TNP2: variants seen among roughly 807,000 people sequenced by gnomAD.
TNP2 encodes the protein transition protein 2.
A neutral mutation model predicts 8.5 loss-of-function variants in TNP2; 10 were observed. That is an observed-to-expected ratio of 1.17 (90% CI 0.72 to 1.99). The LOEUF (loss-of-function observed/expected upper bound fraction) is 1.99, where lower values mean the gene tolerates loss of function less well. TNP2 is among the 30% of genes most tolerant of loss of function. The pLI is 0.00. For missense variants in TNP2, 222 were observed against 181.2 expected (o/e 1.23, Z -1.29); for synonymous variants, 80 against 62.3 (o/e 1.28, Z -1.34).
chr16:11,268,669 A>G (rs1055440329), intron 1 of TNP2, 194 bp downstream of exon 1: 10 of 563,992 alleles, frequency 1.8e-5, no homozygotes, highest in Admixed American at 3.7e-5. Context: ...TAATCAACCC[A>G]TCCAATTTCA....
rs867745535 is a variant in TNP2 at position 11,269,004 on chromosome 16, T to C, written c.259A>G (p.Asn87Asp). 1.2e-5 allele frequency: 19 copies of C among 1,613,754 alleles called. No individual in the cohort carries two copies. In the African/African-American group the frequency reaches 1.6e-4, roughly 14 times the overall value. The change falls in exon 1 of 2, where the codon AAC becomes GAC. Residue 87 changes from asparagine (N) to aspartate (D), a missense_variant. Physicochemically the swap from Asn to Asp is conservative, Grantham distance 23 (BLOSUM62 1). Transcript: ENST00000312693. Reference protein sequence around the residue: ...PPPKRHKKTMNSHHSPMRPTI... With the variant: ...PPPKRHKKTMDSHHSPMRPTI... Reference sequence around the variant, plus strand: ...GGCCGCATGGGAGAGTGGTGGGAGTTCATAGTCTTTTTGTGGCGCTTTGGT... The same window carrying C: ...GGCCGCATGGGAGAGTGGTGGGAGTCCATAGTCTTTTTGTGGCGCTTTGGT...
chr16:11,267,927 A>G lies in TNP2; in HGVS notation c.*69T>C, dbSNP rs2141135637. 3 of 1,532,748 alleles carry G rather than the reference A, an allele frequency of 2.0e-6. No homozygotes were observed. The highest frequency in any genetic ancestry group is 4.5e-5 in the East Asian group (2 of 44,112). The allele number at this position is 1,532,748 out of a possible 1,614,324, so 94.9% of individuals were successfully genotyped here. Reference sequence around the variant, plus strand: ...CATAGTAACATGTTCCTGCAAGAAGATTGACTTCATCCTAGCATTTTCTCC... The same window carrying G: ...CATAGTAACATGTTCCTGCAAGAAGGTTGACTTCATCCTAGCATTTTCTCC... On this transcript the variant is annotated 3_prime_UTR_variant, in exon 2 of 2. Transcript: ENST00000312693.
Position 11,267,989 on chromosome 16 carries a change from G to C in TNP2, c.*7C>G, listed in dbSNP as rs767530021. The C allele has an allele frequency of 6.2e-7, 1 of 1,611,892 alleles. No individual in the cohort carries two copies. Among genetic ancestry groups the C allele is most frequent in the Non-Finnish European group, 8.5e-7 (1 of 1,179,114 alleles). Reference sequence around the variant, plus strand: ...CACGCAGGAACAAGCCAAGGAGTGCGGTCTCATTAGTTGGATTTCCATCCT... The same window carrying C: ...CACGCAGGAACAAGCCAAGGAGTGCCGTCTCATTAGTTGGATTTCCATCCT... On this transcript the variant is annotated 3_prime_UTR_variant, in exon 2 of 2. Coordinates refer to ENST00000312693, the MANE Select transcript of TNP2 (RefSeq NM_005425.5).
chr16:11,268,544 A>G, intron 1 of TNP2: 7 of 414,504 alleles, frequency 1.7e-5, no homozygotes, highest in Middle Eastern at 1.3e-3. Context: ...CATTCTTCCA[A>G]CTATCCTTTC....
rs769551882 is a variant in TNP2 at position 11,267,861 on chromosome 16, C to G, written c.*135G>C. The G allele has an allele frequency of 2.0e-6, 2 of 997,104 alleles. No individual in the cohort carries two copies. Among genetic ancestry groups the G allele is most frequent in the Non-Finnish European group, 3.0e-6 (2 of 670,790 alleles). 61.8% of individuals were successfully genotyped at this position (997,104 alleles called of 1,614,324 possible). On this transcript the variant is annotated 3_prime_UTR_variant, in exon 2 of 2. Coordinates refer to ENST00000312693, the MANE Select transcript of TNP2 (RefSeq NM_005425.5). ...ATGACTATGACTACTCAGGGATAGT[C>G]TTCCAGGTACAAGCTTTAATTAGTG...
At position 11,267,978 on chromosome 16, in the gene TNP2, C is replaced by T. The variant is rs755548195; in HGVS notation, c.*18G>A. 4.3e-6 allele frequency: 7 copies of T among 1,611,162 alleles called. No individual in the cohort carries two copies. In the African/African-American group the frequency reaches 9.3e-5, roughly 22 times the overall value. On this transcript the variant is annotated 3_prime_UTR_variant, in exon 2 of 2. Coordinates refer to ENST00000312693, the MANE Select transcript of TNP2 (RefSeq NM_005425.5). ...TTTGGGTGAAACACGCAGGAACAAG[C>T]CAAGGAGTGCGGTCTCATTAGTTGG...
Position 11,268,868 on chromosome 16 carries a change from C to A in TNP2, c.395G>T (p.Ser132Ile). ...IQQVYKTKTR[S>I]SGWKSN ...CCCACCTCCTTAAAGGGTACCTGAG[C>A]TCCGCGTCTTGGTTTTGTACACCTG... Residue 132 changes from serine (S) to isoleucine (I), a missense_variant, in exon 1 of 2, where the codon AGC becomes ATC. Transcript: ENST00000312693. 3.2e-6 allele frequency: 5 copies of A among 1,575,280 alleles called. No individual in the cohort carries two copies. Among genetic ancestry groups the A allele is most frequent in the Non-Finnish European group, 4.3e-6 (5 of 1,161,978 alleles).
rs757232187 is a variant in TNP2 at position 11,268,918 on chromosome 16, C to G, written c.345G>C (p.Lys115Asn). The G allele has an allele frequency of 8.1e-5, 129 of 1,602,166 alleles. 1 individual carries two copies. In the South Asian group the frequency reaches 1.0e-3, roughly 13 times the overall value. ...GCTGGATCCTCTTGGCCATTTTTTT[C>G]TTTTTCAGCTTGCCTTCCAAGTTCT... is the stretch of plus-strand genomic sequence containing the variant. ...NRKNLEGKLK[K>N]KKMAKRIQQV... Residue 115 changes from lysine to asparagine, a missense_variant, in exon 1 of 2, where the codon AAG becomes AAC. Physicochemically the swap from Lys to Asn is moderately conservative, Grantham distance 94. Transcript: ENST00000312693.
At chr16:11,268,783 G>C (rs56069754) in intron 1 of TNP2, 80 bp downstream of exon 1, 1 of 1,434,830 alleles carries the variant, frequency 7.0e-7, no homozygotes, top group Non-Finnish European at 9.2e-7. Flanking sequence ...CCTGGCTGCA[G>C]CCTTCCTCTC....
chr16:11,268,827 G>A (rs1295238859), intron 1 of TNP2, 36 bp downstream of exon 1: 1 of 1,515,632 alleles, frequency 6.6e-7, no homozygotes, highest in Non-Finnish European at 8.8e-7. Context: ...ATCATCTGTG[G>A]GCTCGGTGGC....
intron 1 of TNP2, chr16:11,268,586 A>G (rs928335122): frequency 1.8e-5 from 8 of 438,644 alleles, no homozygotes; most frequent in Non-Finnish European, 2.8e-5. Context: ...CCACCCAGTC[A>G]TCCACCCAAC....
rs959457533 is a variant in TNP2, at chr16:11,267,891, G to A, written c.*105C>T. On this transcript the variant is annotated 3_prime_UTR_variant, in exon 2 of 2. Coordinates refer to ENST00000312693, the MANE Select transcript of TNP2 (RefSeq NM_005425.5). Reference sequence around the variant, plus strand: ...AGGTACAAGCTTTAATTAGTGTTGCGTAGAAATCACCATAGTAACATGTTC... The same window carrying A: ...AGGTACAAGCTTTAATTAGTGTTGCATAGAAATCACCATAGTAACATGTTC... The A allele has an allele frequency of 3.0e-5, 38 of 1,270,780 alleles. 2 individuals are homozygous for A. The Admixed American group carries it at 3.4e-4, about 11-fold the overall frequency. 78.7% of individuals were successfully genotyped at this position (1,270,780 alleles called of 1,614,324 possible).
Position 11,269,065 on chromosome 16 carries a change from G to A in TNP2, c.198C>T (p.Ser66=), listed in dbSNP as rs139644228. 3.9e-5 allele frequency: 63 copies of A among 1,613,946 alleles called. No homozygotes were observed. The highest frequency in any genetic ancestry group is 2.8e-4 in the African/African-American group (21 of 75,030). The change falls in exon 1 of 2, where the codon TCC becomes TCT. Residue 66 remains serine (S), a synonymous_variant. Transcript: ENST00000312693. ...HRNPTGAHSS[S]GHQSQSPNTS... ...TGTTGGGACTCTGGCTCTGGTGGCC[G>A]GATGAGCTGTGGGCTCCAGTTGGGT... is the stretch of plus-strand genomic sequence containing the variant.
At chr16:11,268,583 G>A in intron 1 of TNP2, 1 of 436,924 alleles carries the variant, frequency 2.3e-6, no homozygotes, top group Non-Finnish European at 4.0e-6. Context: ...TACCCACCCA[G>A]TCATCCACCC....
In TNP2 at chr16:11,267,980, A is replaced by C; in HGVS notation, c.*16T>G. The C allele has an allele frequency of 6.2e-7, 1 of 1,611,646 alleles. No individual in the cohort carries two copies. The highest frequency in any genetic ancestry group is 8.5e-7 in the Non-Finnish European group (1 of 1,179,008). On this transcript the variant is annotated 3_prime_UTR_variant, in exon 2 of 2. Transcript: ENST00000312693. ...TGGGTGAAACACGCAGGAACAAGCC[A>C]AGGAGTGCGGTCTCATTAGTTGGAT...
chr16:11,268,141 A>G, intron 1 of TNP2, 129 bp from the exon 2 acceptor site: 1 of 822,388 alleles, frequency 1.2e-6, no homozygotes. Context: ...GATAGAGTTT[A>G]GACTACCGTC....
chr16:11,268,588 C>T, intron 1 of TNP2: 1 of 439,690 alleles, frequency 2.3e-6, no homozygotes. Context: ...ACCCAGTCAT[C>T]CACCCAACCT....
chr16:11,268,097 A>G, intron 1 of TNP2, 85 bp from the exon 2 acceptor site: 3 of 1,280,026 alleles, frequency 2.3e-6, no homozygotes, highest in Non-Finnish European at 2.2e-6. Context: ...GTAAGGTCTT[A>G]CAACTACTCA....
Position 11,268,951 on chromosome 16 carries a change from C to T in TNP2, c.312G>A (p.Lys104=). The T allele has an allele frequency of 6.2e-7, 1 of 1,613,494 alleles. No individual in the cohort carries two copies. Among genetic ancestry groups the T allele is most frequent in the South Asian group, 1.1e-5 (1 of 90,988 alleles). ...RPTILHCRCP[K]NRKNLEGKLK... Reference sequence around the variant, plus strand: ...GCTTGCCTTCCAAGTTCTTTCTGTTCTTGGGGCAGCGGCAGTGCAGGATGG... The same window carrying T: ...GCTTGCCTTCCAAGTTCTTTCTGTTTTTGGGGCAGCGGCAGTGCAGGATGG... The change falls in exon 1 of 2, where the codon AAG becomes AAA. Residue 104 remains lysine, a synonymous_variant. Coordinates refer to ENST00000312693, the MANE Select transcript of TNP2 (RefSeq NM_005425.5).
Sources: gnomAD v4.1 joint callset for allele counts on GRCh38, gnomAD v4.1.1 for gene constraint, MANE v1.5 for transcripts, NCBI Gene and HGNC (gene_info 2026-07-23, HGNC 2026-07-21) for gene names.